Variants in TMEFF1 observed in about 807,000 individuals in gnomAD.
The protein encoded by TMEFF1 is tomoregulin-1.
Under a neutral mutation model 47.5 loss-of-function variants are expected in TMEFF1, and 20 were observed. The observed-to-expected ratio is 0.42, with a 90% CI of 0.30 to 0.61. The LOEUF is 0.61. Among genes scored for constraint, TMEFF1 ranks in the 20% least tolerant of loss-of-function variants. TMEFF1 has a pLI of 0.19. For missense variants in TMEFF1, 411 were observed against 471.1 expected, an observed-to-expected ratio of 0.87 and a Z score of 1.18; for synonymous variants, 162 against 166.3, an observed-to-expected ratio of 0.97 and a Z score of 0.20.
At chr9:100,517,745 A>C (rs1838098124) in intron 5 of TMEFF1, among the ~76,000 whole-genome samples, 1 of 152,210 alleles carries the variant, frequency 6.6e-6, no homozygotes, top group African/African-American at 2.4e-5. Flanking sequence ...ACCCATGTCC[A>C]TTCATTTCAT....
intron 3 of TMEFF1, among the ~76,000 whole-genome samples, chr9:100,512,796 T>C (rs1226108859): frequency 6.6e-6 from 1 of 152,182 alleles, no homozygotes; most frequent in Non-Finnish European, 1.5e-5. Flanking sequence ...AAGCCTTTGG[T>C]TCCTTGCTTC....
At chr9:100,567,789 C>T (rs898045369) in intron 8 of TMEFF1, among the ~76,000 whole-genome samples, 7 of 152,126 alleles carry the variant, frequency 4.6e-5, no homozygotes, top group African/African-American at 1.7e-4. Flanking sequence ...TCTGTTTTCA[C>T]TGCTAATAAA....
At chr9:100,496,828 C>T (rs1187573273) in intron 1 of TMEFF1, among the ~76,000 whole-genome samples, 1 of 152,112 alleles carries the variant, frequency 6.6e-6, no homozygotes. Context: ...TAATAGAACC[C>T]AGTGTGAACT....
At chr9:100,550,838 G>T (rs1838817569) in intron 7 of TMEFF1, among the ~76,000 whole-genome samples, 1 of 152,224 alleles carries the variant, frequency 6.6e-6, no homozygotes, top group African/African-American at 2.4e-5. Flanking sequence ...AGTGGATGTG[G>T]CTCAAAGAAG....
intron 7 of TMEFF1, among the ~76,000 whole-genome samples, chr9:100,561,070 T>C (rs1330262482): frequency 2.6e-5 from 4 of 152,226 alleles, no homozygotes; most frequent in Non-Finnish European, 5.9e-5. Context: ...AGGTGAACTT[T>C]CTTTTAGAGC....
rs570360739 is a variant in TMEFF1 at position 100,484,183 on chromosome 9, T to C, written c.196+10443T>C. Among the ~76,000 whole-genome samples the C allele has an allele frequency of 9.8e-5, 15 of 152,344 alleles. No homozygotes were observed. In the South Asian group the frequency reaches 3.1e-3, roughly 32 times the overall value. On this transcript the variant is annotated intron_variant, in intron 1 of 9. Coordinates refer to ENST00000374879, the MANE Select transcript of TMEFF1 (RefSeq NM_003692.5). ...CATTCTGCTTTCAGTGGCATTCAAC[T>C]CATTTACATTAAATTAAGTAATTGA...
At chr9:100,541,921 C>T (rs927537119) in intron 5 of TMEFF1, among the ~76,000 whole-genome samples, 13 of 152,034 alleles carry the variant, frequency 8.6e-5, no homozygotes, top group South Asian at 8.3e-4. Context: ...TTATTTTGAA[C>T]TTTTGGTGTC....
intron 1 of TMEFF1, among the ~76,000 whole-genome samples, chr9:100,485,886 T>G (rs74386518): frequency 0.022 from 3,336 of 152,292 alleles, 103 homozygotes; most frequent in African/African-American, 0.076. Context: ...AATTCATCTA[T>G]TTTTTAAAAA....
chr9:100,540,378 C>G (rs1254634385), intron 5 of TMEFF1, among the ~76,000 whole-genome samples: 1 of 152,276 alleles, frequency 6.6e-6, no homozygotes, highest in African/African-American at 2.4e-5. Flanking sequence ...GGCTTCACCT[C>G]TCAATGGCAC....
chr9:100,536,074 C>T (rs1292431554), intron 5 of TMEFF1, among the ~76,000 whole-genome samples: 1 of 152,098 alleles, frequency 6.6e-6, no homozygotes, highest in East Asian at 1.9e-4. Flanking sequence ...AAAACAATAT[C>T]TTCTGTGGAA....
intron 8 of TMEFF1, among the ~76,000 whole-genome samples, chr9:100,562,112 C>T (rs10989154): frequency 0.044 from 6,710 of 152,114 alleles, 341 homozygotes; most frequent in South Asian, 0.22. Flanking sequence ...TGCCTGTCTG[C>T]GGATACACCT....
chr9:100,537,759 T>C (rs998817940), intron 5 of TMEFF1, among the ~76,000 whole-genome samples: 7 of 152,248 alleles, frequency 4.6e-5, no homozygotes, highest in African/African-American at 4.8e-5. Flanking sequence ...ATTGTTGTTC[T>C]CTGCATTTGT....
intron 2 of TMEFF1, among the ~76,000 whole-genome samples, chr9:100,505,585 A>G (rs1330821980): frequency 6.6e-6 from 1 of 152,190 alleles, no homozygotes; most frequent in Non-Finnish European, 1.5e-5. Context: ...CAAAATTCCT[A>G]CATGAATAGC....
At chr9:100,521,651 T>C (rs1261701865) in intron 5 of TMEFF1, among the ~76,000 whole-genome samples, 3 of 152,218 alleles carry the variant, frequency 2.0e-5, no homozygotes, top group Admixed American at 6.5e-5. Flanking sequence ...CACATAATCA[T>C]AGGACTCCTT....
chr9:100,494,240 CAG>C (rs1837612416), intron 1 of TMEFF1, among the ~76,000 whole-genome samples: 1 of 148,904 alleles, frequency 6.7e-6, no homozygotes, highest in Admixed American at 6.7e-5. Context: ...AGTAAGGTGT[CAG>C]AGCACCAGCA....
At chr9:100,557,859 G>A in intron 7 of TMEFF1, among the ~76,000 whole-genome samples, 1 of 149,430 alleles carries the variant, frequency 6.7e-6, no homozygotes. Flanking sequence ...ATCCTCTGTA[G>A]CTTAGCTGAG....
In TMEFF1 at chr9:100,526,448, T is replaced by C. The variant is rs116003583; in HGVS notation, c.560+9677T>C. 2.4e-3 allele frequency among the ~76,000 whole-genome samples: 360 copies of C among 152,260 alleles called. 2 individuals carry two copies. Among genetic ancestry groups the C allele is most frequent in the African/African-American group, 8.1e-3 (338 of 41,568 alleles). ...TCATTTTATCTTTTTTTCCCCTGTT[T>C]TCTGTTTTAAGTTTTTTTTGCTGTA... On this transcript the variant is annotated intron_variant, in intron 5 of 9. Transcript: ENST00000374879.
In TMEFF1 at chr9:100,474,229, C is replaced by T. The variant is rs114766623; in HGVS notation, c.196+489C>T. On this transcript the variant is annotated intron_variant, in intron 1 of 9. Transcript: ENST00000374879. ...CATGTGCTGATGTGCTGGGGAGATT[C>T]TTCCTTAAGGCACTGGGGGTCTCGG... 6.6e-3 allele frequency among the ~76,000 whole-genome samples: 979 copies of T among 147,340 alleles called. 6 individuals are homozygous for T. The highest frequency in any genetic ancestry group is 0.024 in the African/African-American group (951 of 39,502).
At chr9:100,489,359 C>T (rs879140990) in intron 1 of TMEFF1, among the ~76,000 whole-genome samples, 2 of 152,188 alleles carry the variant, frequency 1.3e-5, no homozygotes, top group South Asian at 2.1e-4. Flanking sequence ...TGTGCCACCA[C>T]GCCTGGCAGA....
Sources: gnomAD v4.1 joint callset for allele counts (sites outside exome capture counted in the v4.1 genomes callset) on GRCh38, gnomAD v4.1.1 for gene constraint, MANE v1.5 for transcripts, NCBI Gene and HGNC (gene_info 2026-07-23, HGNC 2026-07-21) for gene names.